EML4: variants seen among roughly 807,000 people sequenced by gnomAD.
EML4 encodes the protein EMAP like 4.
A neutral mutation model predicts 129.0 loss-of-function variants in EML4; 72 were observed. That is an observed-to-expected ratio of 0.56 (90% confidence interval 0.46 to 0.68). EML4 has a LOEUF of 0.68. Among genes scored for constraint, EML4 ranks in the 30% least tolerant of loss-of-function variants. The pLI is 0.00. For synonymous variants in EML4, 532 were observed against 405.0 expected (o/e 1.31, Z -3.77); for missense variants, 1,363 against 1,190.6 (o/e 1.14, Z -2.13).
chr2:42,320,344 G>T (rs1029566136), intron 19 of EML4, among the ~76,000 whole-genome samples: 2 of 145,610 alleles, frequency 1.4e-5, no homozygotes, highest in African/African-American at 2.6e-5. Context: ...AAAAAAAAAA[G>T]CTGTGCTTAA....
intron 1 of EML4, among the ~76,000 whole-genome samples, chr2:42,218,187 T>A (rs1298255756): frequency 6.6e-6 from 1 of 152,036 alleles, no homozygotes; most frequent in African/African-American, 2.4e-5. Flanking sequence ...TAGATTTTCA[T>A]AGGAATGCAA....
At chr2:42,220,392 A>T (rs932525550) in intron 1 of EML4, among the ~76,000 whole-genome samples, 3 of 151,990 alleles carry the variant, frequency 2.0e-5, no homozygotes, top group Non-Finnish European at 4.4e-5. Flanking sequence ...CACTATTATT[A>T]TATCTCTTAC....
intron 19 of EML4, among the ~76,000 whole-genome samples, chr2:42,324,623 A>G (rs1389479241): frequency 1.3e-5 from 2 of 152,240 alleles, no homozygotes; most frequent in Non-Finnish European, 2.9e-5. Flanking sequence ...TGTCTCAAAA[A>G]AAAAGTTAGT....
At chr2:42,189,165 C>A (rs1372974401) in intron 1 of EML4, among the ~76,000 whole-genome samples, 1 of 152,116 alleles carries the variant, frequency 6.6e-6, no homozygotes, top group Non-Finnish European at 1.5e-5. Context: ...CCATGACGAA[C>A]CACGAGCCTT....
At chr2:42,255,600 C>T (rs1269935305) in intron 2 of EML4, among the ~76,000 whole-genome samples, 2 of 151,996 alleles carry the variant, frequency 1.3e-5, no homozygotes, top group African/African-American at 4.8e-5. Context: ...AATCTGATGA[C>T]CAGTGATATT....
At chr2:42,298,792 G>C (rs1400811200) in intron 13 of EML4, among the ~76,000 whole-genome samples, 1 of 152,044 alleles carries the variant, frequency 6.6e-6, no homozygotes, top group Admixed American at 6.6e-5. Flanking sequence ...CTTAAGCATA[G>C]AAAAGCTTTA....
chr2:42,246,915 A>G (rs1460664292), intron 2 of EML4, among the ~76,000 whole-genome samples: 1 of 152,244 alleles, frequency 6.6e-6, no homozygotes, highest in Non-Finnish European at 1.5e-5. Context: ...TAGTGGAGTA[A>G]TAGAACTGCA....
chr2:42,278,460 GC>G (rs1331575930), intron 6 of EML4, among the ~76,000 whole-genome samples: 3 of 151,452 alleles, frequency 2.0e-5, no homozygotes, highest in Non-Finnish European at 4.4e-5. Context: ...TGTAATCCCA[GC>G]TACTTGGGAG....
Position 42,325,483 on chromosome 2 carries a change from T to A in EML4, c.2171T>A (p.Ile724Asn). The change falls in exon 20 of 23, where the codon ATC becomes AAC. Residue 724 changes from isoleucine (I) to asparagine (N), a missense_variant. Ile to Asn is a moderately radical substitution (Grantham distance 149). Coordinates refer to ENST00000318522, the MANE Select transcript of EML4 (RefSeq NM_019063.5). ...YGRCTGHSSY[I>N]THLDWSPDNK... Reference sequence around the variant, plus strand: ...ATTTTCTAGGGACATTCCAGCTACATCACACACCTTGACTGGTCCCCAGAC... The same window carrying A: ...ATTTTCTAGGGACATTCCAGCTACAACACACACCTTGACTGGTCCCCAGAC... 1 of 1,564,842 alleles carries A rather than the reference T, an allele frequency of 6.4e-7. No individual in the cohort carries two copies. The highest frequency in any genetic ancestry group is 8.8e-7 in the Non-Finnish European group (1 of 1,140,902).
chr2:42,268,640 G>A (rs945778450), intron 6 of EML4, among the ~76,000 whole-genome samples: 12 of 152,162 alleles, frequency 7.9e-5, no homozygotes, highest in African/African-American at 2.2e-4. Context: ...GTGTCACTGT[G>A]TTTCCCAGGC....
chr2:42,304,326 CT>C lies in EML4; in HGVS notation c.1900-153del, dbSNP rs1280240144. ...CATATCCCCTTCATGCTCTGAAATTCTTTTTCCTCTCATATCTGTGTGGTAT... is the reference window on the plus strand; with the variant it reads ...CATATCCCCTTCATGCTCTGAAATTCTTTTCCTCTCATATCTGTGTGGTAT... On this transcript the variant is annotated intron_variant, in intron 16 of 22. Coordinates refer to ENST00000318522, the MANE Select transcript of EML4 (RefSeq NM_019063.5). Among the ~76,000 whole-genome samples, 29 of 152,318 alleles carry C rather than the reference CT, an allele frequency of 1.9e-4. No homozygotes were observed. In the East Asian group the frequency reaches 2.7e-3, roughly 14 times the overall value.
chr2:42,318,123 T>G (rs74489021), intron 19 of EML4, among the ~76,000 whole-genome samples: 1,614 of 152,290 alleles, frequency 0.011, 25 homozygotes, highest in Middle Eastern at 0.031. Context: ...ACCAGGAATA[T>G]GTACAACATG....
intron 2 of EML4, among the ~76,000 whole-genome samples, chr2:42,251,315 A>G (rs1368574617): frequency 6.6e-6 from 1 of 152,242 alleles, no homozygotes; most frequent in South Asian, 2.1e-4. Flanking sequence ...CCACTGTCGT[A>G]TATGCAGTCC....
chr2:42,242,840 C>T (rs1279073309), intron 1 of EML4, among the ~76,000 whole-genome samples: 2 of 151,944 alleles, frequency 1.3e-5, no homozygotes, highest in African/African-American at 4.8e-5. Context: ...TTAAAACTCA[C>T]TGAATCCTTG....
intron 13 of EML4, among the ~76,000 whole-genome samples, chr2:42,297,647 G>T (rs977423671): frequency 6.6e-6 from 1 of 152,106 alleles, no homozygotes; most frequent in African/African-American, 2.4e-5. Flanking sequence ...CAGAGTAAGT[G>T]TCCACAGTTT....
At chr2:42,245,464 A>AGTTT (rs1222870742) in intron 1 of EML4, 41 bp from the exon 2 acceptor site, 1 of 1,486,770 alleles carries the variant, frequency 6.7e-7, no homozygotes, top group African/African-American at 1.4e-5. Flanking sequence ...CTTCTCAAGC[A>AGTTT]GTTTACTTAA....
chr2:42,170,600 C>G (rs1159034382), intron 1 of EML4, among the ~76,000 whole-genome samples: 2 of 152,192 alleles, frequency 1.3e-5, no homozygotes, highest in Non-Finnish European at 2.9e-5. Flanking sequence ...GAAGCTGAAT[C>G]TGGAATTACT....
intron 1 of EML4, among the ~76,000 whole-genome samples, chr2:42,178,965 A>C (rs1034516421): frequency 6.6e-6 from 1 of 152,186 alleles, no homozygotes; most frequent in Admixed American, 6.5e-5. Context: ...ATCTAGGGGG[A>C]TATTTTGGTG....
At chr2:42,297,016 T>C (rs1667997467) in intron 13 of EML4, among the ~76,000 whole-genome samples, 1 of 152,218 alleles carries the variant, frequency 6.6e-6, no homozygotes, top group Non-Finnish European at 1.5e-5. Context: ...ATTAGACCTA[T>C]TAAGAAGTTT....
Sources: allele counts gnomAD v4.1 joint callset (sites outside exome capture counted in the v4.1 genomes callset), GRCh38; gene constraint gnomAD v4.1.1; transcripts MANE v1.5; gene names NCBI Gene and HGNC (gene_info 2026-07-23, HGNC 2026-07-21).